Variants in PCDHA4 observed in about 807,000 individuals in gnomAD.
PCDHA4 encodes the protein protocadherin alpha 4.
PCDHA4 carries 49 observed loss-of-function variants against 61.4 expected under a neutral mutation model. The ratio of observed to expected loss-of-function variants is 0.80; its 90% confidence interval spans 0.63 to 1.01. The LOEUF (loss-of-function observed/expected upper bound fraction) is 1.01. PCDHA4 is among the 50% of genes least tolerant of loss of function. The pLI, the probability that PCDHA4 is intolerant of heterozygous loss-of-function variation, is 0.00. For synonymous variants in PCDHA4, 590 were observed against 550.3 expected, an observed-to-expected ratio of 1.07 and a Z score of -1.01; for missense variants, 1,254 against 1,235.8, an observed-to-expected ratio of 1.01 and a Z score of -0.22.
intron 1 of PCDHA4, chr5:140,823,728 G>A (rs2150128534): frequency 4.8e-5 from 77 of 1,613,922 alleles, no homozygotes; most frequent in South Asian, 2.2e-5. Context: ...TGCTGGTGAA[G>A]GACCATGGAG....
At chr5:140,857,717 G>C (rs782771327) in intron 1 of PCDHA4, 1 of 1,597,518 alleles carries the variant, frequency 6.3e-7, no homozygotes, top group African/African-American at 1.3e-5. Flanking sequence ...CGTGCTGGAC[G>C]AGAACGACAA....
chr5:140,835,557 C>T, intron 1 of PCDHA4: 2 of 1,613,936 alleles, frequency 1.2e-6, no homozygotes, highest in Admixed American at 1.7e-5. Context: ...CCTGACGCCC[C>T]GCGTTCCCTT....
At chr5:140,810,592 A>G (rs1764690093) in intron 1 of PCDHA4, 1 of 152,102 alleles carries the variant, frequency 6.6e-6, no homozygotes, top group African/African-American at 2.4e-5. Flanking sequence ...TTTCTATTTT[A>G]TTTTGGCAAT....
chr5:140,808,621 T>G lies in PCDHA4; in HGVS notation c.1434T>G (p.Ser478=), dbSNP rs114189758. 8.5e-4 allele frequency: 1,376 copies of G among 1,613,736 alleles called. 16 individuals carry two copies. In the African/African-American group the frequency reaches 0.017, roughly 19 times the overall value. The change falls in exon 1 of 4, where the codon TCT becomes TCG. Residue 478 remains serine (S), a synonymous_variant. Coordinates refer to ENST00000530339, the MANE Select transcript of PCDHA4 (RefSeq NM_018907.4). ...CGGGCTGCCACATCTTCACTGTGTCTGCGTGGGACGCGGACGCGCAGGAGA... is the reference window on the plus strand; with the variant it reads ...CGGGCTGCCACATCTTCACTGTGTCGGCGTGGGACGCGGACGCGCAGGAGA... ...NPPGCHIFTV[S]AWDADAQENA...
intron 1 of PCDHA4, chr5:140,836,415 G>T (rs2150260164): frequency 3.1e-6 from 5 of 1,613,812 alleles, no homozygotes; most frequent in Admixed American, 1.7e-5. Context: ...GGCACCAAAG[G>T]CGTCGTCGCG....
intron 3 of PCDHA4, among the ~76,000 whole-genome samples, chr5:141,006,406 G>T (rs553100919): frequency 6.6e-6 from 1 of 151,932 alleles, no homozygotes; most frequent in African/African-American, 2.4e-5. Flanking sequence ...GTAGAGACGC[G>T]GTTTCACTGT....
chr5:140,951,046 TA>T (rs1414168325), intron 1 of PCDHA4, among the ~76,000 whole-genome samples: 1 of 152,138 alleles, frequency 6.6e-6, no homozygotes, highest in Non-Finnish European at 1.5e-5. Context: ...ATTATATTTT[TA>T]TTGCTAAAAT....
intron 1 of PCDHA4, chr5:140,927,852 A>C: frequency 6.2e-7 from 1 of 1,614,218 alleles, no homozygotes; most frequent in Non-Finnish European, 8.5e-7. Flanking sequence ...TCTTTGGTTT[A>C]GCTAGCACCG....
At chr5:140,814,608 T>C (rs1315779176) in intron 1 of PCDHA4, 1 of 152,216 alleles carries the variant, frequency 6.6e-6, no homozygotes, top group Non-Finnish European at 1.5e-5. Context: ...TGCTATCTTG[T>C]ACTTTTATAT....
At chr5:140,877,143 C>G (rs782522652) in intron 1 of PCDHA4, 2 of 1,613,668 alleles carry the variant, frequency 1.2e-6, no homozygotes, top group African/African-American at 2.7e-5. Context: ...TCGTGCTGGA[C>G]GAGAACGACA....
chr5:140,842,566 C>G (rs782225990), intron 1 of PCDHA4: 19 of 1,503,446 alleles, frequency 1.3e-5, no homozygotes, highest in Non-Finnish European at 1.4e-5. Context: ...CCCTGGACCG[C>G]GAGAGAGTGT....
chr5:140,815,943 A>G (rs2126668159), intron 1 of PCDHA4: 1 of 152,186 alleles, frequency 6.6e-6, no homozygotes, highest in African/African-American at 2.4e-5. Flanking sequence ...TGAGAAATCT[A>G]CTGGTAGAGT....
At chr5:140,927,905 C>T in intron 1 of PCDHA4, 3 of 1,614,210 alleles carry the variant, frequency 1.9e-6, no homozygotes, top group Non-Finnish European at 2.5e-6. Context: ...GATCATGCCC[C>T]CGAACTGGAC....
Position 140,808,456 on chromosome 5 carries a change from G to A in PCDHA4, c.1269G>A (p.Leu423=), listed in dbSNP as rs375470813. The A allele has an allele frequency of 1.2e-6, 2 of 1,614,106 alleles. No homozygotes were observed. The highest frequency in any genetic ancestry group is 1.7e-5 in the Admixed American group (1 of 60,016). The part of the protein sequence containing the change: ...LDRESVSAYE[L]VVTARDGGSP... The stretch of plus-strand genomic sequence containing the variant: ...GCGAGAGCGTGTCAGCCTATGAGCT[G>A]GTGGTGACCGCGCGAGACGGGGGCT... The change falls in exon 1 of 4, where the codon CTG becomes CTA. Residue 423 remains leucine, a synonymous_variant. Transcript: ENST00000530339.
chr5:140,920,640 T>C (rs1554199754), intron 1 of PCDHA4, among the ~76,000 whole-genome samples: 1 of 152,038 alleles, frequency 6.6e-6, no homozygotes, highest in African/African-American at 2.4e-5. Context: ...GGTCAAGAGA[T>C]TGAGACCATC....
At chr5:140,817,505 A>G (rs1231227297) in intron 1 of PCDHA4, 20 of 152,224 alleles carry the variant, frequency 1.3e-4, no homozygotes, top group African/African-American at 4.6e-4. Context: ...ATGCTTTTAC[A>G]AATTATTTTA....
intron 1 of PCDHA4, chr5:140,829,278 A>G: frequency 6.2e-7 from 1 of 1,614,236 alleles, no homozygotes; most frequent in Non-Finnish European, 8.5e-7. Flanking sequence ...GTCCCTTTCA[A>G]GCTGGTGTCC....
At chr5:140,927,502 A>G (rs1554204633) in intron 1 of PCDHA4, 1 of 1,614,134 alleles carries the variant, frequency 6.2e-7, no homozygotes, top group Non-Finnish European at 8.5e-7. Context: ...GCTGGTGCTT[A>G]CAGCTCGGGA....
chr5:140,948,763 C>T (rs1195337502), intron 1 of PCDHA4, among the ~76,000 whole-genome samples: 4 of 151,102 alleles, frequency 2.6e-5, no homozygotes, highest in Non-Finnish European at 4.4e-5. Flanking sequence ...TGATTTTTTT[C>T]GAATAGCCAG....
Sources: gnomAD v4.1 joint callset for allele counts (sites outside exome capture counted in the v4.1 genomes callset) on GRCh38, gnomAD v4.1.1 for gene constraint, MANE v1.5 for transcripts, NCBI Gene and HGNC (gene_info 2026-07-23, HGNC 2026-07-21) for gene names.